NEBL: variants seen among roughly 807,000 people sequenced by gnomAD.
NEBL encodes the protein nebulette.
A neutral mutation model predicts 140.2 loss-of-function variants in NEBL; 122 were observed. That is an observed-to-expected ratio of 0.87 (90% CI 0.75 to 1.01). The LOEUF (loss-of-function observed/expected upper bound fraction) is 1.01, where lower values mean the gene tolerates loss of function less well. Ranked by LOEUF, NEBL falls within the 50% of genes least tolerant of loss-of-function variation. The pLI, the probability that NEBL is intolerant of heterozygous loss-of-function variation, is 0.00. For synonymous variants in NEBL, 436 were observed against 398.9 expected, an observed-to-expected ratio of 1.09 and a Z score of -1.11; for missense variants, 1,365 against 1,231.3, an observed-to-expected ratio of 1.11 and a Z score of -1.62.
intron 3 of NEBL, among the ~76,000 whole-genome samples, chr10:21,235,467 A>G (rs1842335771): frequency 6.6e-6 from 1 of 152,122 alleles, no homozygotes; most frequent in African/African-American, 2.4e-5. Flanking sequence ...GGTGCCTGAG[A>G]CCACGCCCAG....
chr10:20,819,946 A>G (rs1038405687), intron 19 of NEBL, among the ~76,000 whole-genome samples: 64 of 152,248 alleles, frequency 4.2e-4, no homozygotes, highest in African/African-American at 1.4e-3. Flanking sequence ...TATATTATTT[A>G]TTGGTGGCCT....
At chr10:20,883,690 A>G (rs1846219361) in intron 4 of NEBL, among the ~76,000 whole-genome samples, 1 of 152,222 alleles carries the variant, frequency 6.6e-6, no homozygotes, top group Non-Finnish European at 1.5e-5. Context: ...CTACTAACAT[A>G]TACTTGTGAC....
chr10:20,845,753 T>C (rs1442441521), intron 11 of NEBL, among the ~76,000 whole-genome samples: 1 of 152,138 alleles, frequency 6.6e-6, no homozygotes. Flanking sequence ...ACGGAAGCCA[T>C]TCAAACCACC....
chr10:21,156,966 T>C (rs1343829648), intron 2 of NEBL, among the ~76,000 whole-genome samples: 1 of 152,204 alleles, frequency 6.6e-6, no homozygotes, highest in East Asian at 1.9e-4. Context: ...GAAACTGAAA[T>C]TCATTTCCTT....
chr10:20,900,222 G>A (rs908611443), upstream of NEBL, among the ~76,000 whole-genome samples: 5 of 152,174 alleles, frequency 3.3e-5, no homozygotes, highest in East Asian at 1.9e-4. Context: ...AGTACTCTAC[G>A]CATGCCTTGA....
At position 20,790,317 on chromosome 10, in the gene NEBL, T is replaced by TA. The variant is rs200311632; in HGVS notation, c.2762-3010dup. On this transcript the variant is annotated intron_variant, in intron 26 of 27. Transcript: ENST00000377122. ...TTTTAGGGAACTCCTATAGGGGTTA[T>TA]AAAAAAAATAACTGATGGGTCACAC... Among the ~76,000 whole-genome samples the TA allele has an allele frequency of 9.4e-3, 1,418 of 151,598 alleles. 9 individuals are homozygous for TA. Among genetic ancestry groups the TA allele is most frequent in the Non-Finnish European group, 0.014 (956 of 67,860 alleles).
intron 4 of NEBL, among the ~76,000 whole-genome samples, chr10:20,922,684 C>T (rs1315680355): frequency 6.6e-6 from 1 of 152,210 alleles, no homozygotes; most frequent in Non-Finnish European, 1.5e-5. Context: ...GTCAAGGAGG[C>T]CGTCCAGAAT....
intron 2 of NEBL, among the ~76,000 whole-genome samples, chr10:21,078,720 A>G (rs918633490): frequency 5.3e-5 from 8 of 152,258 alleles, no homozygotes; most frequent in African/African-American, 1.2e-4. Context: ...GTATGTCTAC[A>G]AGATCATTCT....
chr10:20,984,863 T>C (rs1837193111), intron 3 of NEBL, among the ~76,000 whole-genome samples: 1 of 152,158 alleles, frequency 6.6e-6, no homozygotes, highest in Admixed American at 6.6e-5. Flanking sequence ...CATTATCGCC[T>C]GAGCTCCACC....
chr10:21,246,295 C>T (rs1231381685), intron 3 of NEBL, among the ~76,000 whole-genome samples: 1 of 152,232 alleles, frequency 6.6e-6, no homozygotes, highest in Admixed American at 6.5e-5. Context: ...GGTATAGCCC[C>T]TCTGGGCAGT....
intron 13 of NEBL, among the ~76,000 whole-genome samples, chr10:20,840,157 A>C (rs756233313): frequency 2.0e-5 from 3 of 152,078 alleles, no homozygotes; most frequent in Non-Finnish European, 4.4e-5. Flanking sequence ...CAAGGCTTTA[A>C]GCTCTTTCAC....
rs558878975 is a variant in NEBL, at chr10:21,036,618, A to G, written c.165-16417T>C. On this transcript the variant is annotated intron_variant, in intron 2 of 6. Transcript: ENST00000417816. ...CTCTGGAAATGTCACCAGGCCCACA[A>G]TGGCCAGGCTATTCAAAAAGTGCAT... Among the ~76,000 whole-genome samples the G allele has an allele frequency of 2.2e-4, 34 of 152,266 alleles. No individual in the cohort carries two copies. In the East Asian group the frequency reaches 4.1e-3, roughly 18 times the overall value.
At chr10:21,227,810 T>G (rs1426018106) in intron 3 of NEBL, among the ~76,000 whole-genome samples, 1 of 151,004 alleles carries the variant, frequency 6.6e-6, no homozygotes, top group Admixed American at 6.6e-5. Context: ...CTTCTTCTTC[T>G]TCTTGTTCTT....
chr10:21,029,393 A>G lies in NEBL; in HGVS notation c.165-9192T>C, dbSNP rs952099886. 1.9e-6 allele frequency: 3 copies of G among 1,611,460 alleles called. No homozygotes were observed. In the African/African-American group the frequency reaches 4.0e-5, roughly 22 times the overall value. On this transcript the variant is annotated intron_variant, in intron 2 of 6. Transcript: ENST00000417816. ...GTGCGTTTACCACGTGAACCCAGCA[A>G]TCCAGAGAGGTTGAAAGGTTTTGGT... is the stretch of plus-strand genomic sequence containing the variant.
At chr10:21,045,339 GT>G (rs1419952951) in intron 2 of NEBL, among the ~76,000 whole-genome samples, 1 of 152,078 alleles carries the variant, frequency 6.6e-6, no homozygotes, top group African/African-American at 2.4e-5. Flanking sequence ...TGTTCCTTTT[GT>G]TTTAGGTGTC....
At chr10:21,151,748 C>A (rs1437476014) in intron 2 of NEBL, among the ~76,000 whole-genome samples, 1 of 152,186 alleles carries the variant, frequency 6.6e-6, no homozygotes, top group Non-Finnish European at 1.5e-5. Context: ...CTTGCCTATA[C>A]CAGGTTTTGC....
intron 2 of NEBL, among the ~76,000 whole-genome samples, chr10:21,145,324 T>C (rs1229224867): frequency 6.6e-6 from 1 of 152,222 alleles, no homozygotes; most frequent in Non-Finnish European, 1.5e-5. Context: ...GTTATTTGTA[T>C]AAAGCTGTTC....
intron 1 of NEBL, among the ~76,000 whole-genome samples, chr10:21,290,971 C>T (rs1843134394): frequency 6.6e-6 from 1 of 152,134 alleles, no homozygotes; most frequent in Non-Finnish European, 1.5e-5. Flanking sequence ...AGACTGGAAC[C>T]TTCAGAGGGG....
intron 3 of NEBL, among the ~76,000 whole-genome samples, chr10:21,185,538 C>T (rs1841452159): frequency 7.0e-6 from 1 of 143,560 alleles, no homozygotes; most frequent in Non-Finnish European, 1.5e-5. Flanking sequence ...AGCTCTGTCG[C>T]CCAGGTTGGA....
Sources: allele counts gnomAD v4.1 joint callset (sites outside exome capture counted in the v4.1 genomes callset), GRCh38; gene constraint gnomAD v4.1.1; transcripts MANE v1.5; gene names NCBI Gene and HGNC (gene_info 2026-07-23, HGNC 2026-07-21).